Variants in FCHSD2 observed in about 807,000 individuals in gnomAD.
FCHSD2 encodes F-BAR and double SH3 domains protein 2.
In FCHSD2, 38 loss-of-function variants were observed where a neutral mutation model predicts 108.1. The observed-to-expected ratio is 0.35, with a 90% CI of 0.27 to 0.46. The LOEUF is 0.46. FCHSD2 is among the 20% of genes least tolerant of loss of function. FCHSD2 has a pLI of 1.00. For synonymous variants in FCHSD2, 279 were observed against 314.7 expected (o/e 0.89, Z 1.20); for missense variants, 751 against 897.8 (o/e 0.84, Z 2.09).
At chr11:72,937,275 C>G (rs1035053422) in intron 8 of FCHSD2, among the ~76,000 whole-genome samples, 5 of 152,068 alleles carry the variant, frequency 3.3e-5, no homozygotes, top group African/African-American at 9.7e-5. Context: ...CTGCTGCAAA[C>G]AAAAAAATTC....
intron 13 of FCHSD2, among the ~76,000 whole-genome samples, chr11:72,860,526 C>T (rs1208230920): frequency 2.6e-5 from 4 of 151,860 alleles, no homozygotes; most frequent in Non-Finnish European, 4.4e-5. Flanking sequence ...TTTTAATTAC[C>T]CATCAGTCAA....
chr11:72,919,044 T>C (rs888505137), intron 9 of FCHSD2, among the ~76,000 whole-genome samples: 1 of 152,178 alleles, frequency 6.6e-6, no homozygotes, highest in Non-Finnish European at 1.5e-5. Flanking sequence ...ACTTTAACAT[T>C]TACAGTATGT....
At chr11:73,017,838 A>C (rs977910653) in intron 3 of FCHSD2, among the ~76,000 whole-genome samples, 3 of 152,144 alleles carry the variant, frequency 2.0e-5, no homozygotes, top group Admixed American at 1.3e-4. Flanking sequence ...ACAAATATAT[A>C]TAGGAAAATG....
intron 9 of FCHSD2, among the ~76,000 whole-genome samples, chr11:72,910,781 C>CCACA (rs953965600): frequency 1.4e-4 from 21 of 150,022 alleles, no homozygotes; most frequent in African/African-American, 4.7e-4. Context: ...TATGACCCTG[C>CCACA]CACATCCCCC....
At chr11:73,098,709 T>C (rs1277539395) in intron 2 of FCHSD2, among the ~76,000 whole-genome samples, 3 of 152,160 alleles carry the variant, frequency 2.0e-5, no homozygotes, top group African/African-American at 7.2e-5. Context: ...AAGACAAGAT[T>C]TCTACATACA....
intron 9 of FCHSD2, among the ~76,000 whole-genome samples, chr11:72,920,114 A>G (rs903751815): frequency 6.6e-6 from 1 of 152,212 alleles, no homozygotes; most frequent in African/African-American, 2.4e-5. Context: ...GTAAGACAGT[A>G]GAAATAATGA....
chr11:73,028,508 C>A (rs1194562524), intron 3 of FCHSD2, among the ~76,000 whole-genome samples: 3 of 152,170 alleles, frequency 2.0e-5, no homozygotes, highest in Non-Finnish European at 4.4e-5. Flanking sequence ...GGCTCACAGG[C>A]AGAAGGGACT....
chr11:72,929,362 A>G (rs527639303), intron 8 of FCHSD2, among the ~76,000 whole-genome samples: 44 of 152,184 alleles, frequency 2.9e-4, no homozygotes, highest in Non-Finnish European at 2.8e-4. Flanking sequence ...AATTCCCTGA[A>G]TTTTAATTAC....
intron 3 of FCHSD2, among the ~76,000 whole-genome samples, chr11:73,050,190 G>A (rs558788656): frequency 1.6e-4 from 25 of 152,108 alleles, no homozygotes; most frequent in Non-Finnish European, 3.1e-4. Flanking sequence ...AGGTATGTCC[G>A]TGGTCTAACA....
Position 73,055,850 on chromosome 11 carries a change from G to A in FCHSD2, c.165+27845C>T, listed in dbSNP as rs150846197. On this transcript the variant is annotated intron_variant, in intron 3 of 19. Coordinates refer to ENST00000409418, the MANE Select transcript of FCHSD2 (RefSeq NM_014824.3). ...TTTATAGAAACAGAAAGTAGATTCA[G>A]GGGCTGTGGGAGGAGACAAAGGGGA... Among the ~76,000 whole-genome samples, 412 of 152,228 alleles carry A rather than the reference G, an allele frequency of 2.7e-3. 2 individuals carry two copies. The highest frequency in any genetic ancestry group is 9.5e-3 in the African/African-American group (393 of 41,550).
Position 73,140,517 on chromosome 11 carries a change from G to A in FCHSD2, c.22-389C>T, listed in dbSNP as rs186890603. 2.3e-3 allele frequency among the ~76,000 whole-genome samples: 348 copies of A among 152,162 alleles called. 3 individuals are homozygous for A. Among genetic ancestry groups the A allele is most frequent in the Non-Finnish European group, 3.6e-3 (247 of 68,002 alleles). On this transcript the variant is annotated intron_variant, in intron 1 of 19. Transcript: ENST00000409418. Reference sequence around the variant, plus strand: ...GGAGAGGTGAGCAGAGTGTGGATGGGGGCTGGGAGCCTAAGAGTGCCTGAT... The same window carrying A: ...GGAGAGGTGAGCAGAGTGTGGATGGAGGCTGGGAGCCTAAGAGTGCCTGAT...
intron 9 of FCHSD2, among the ~76,000 whole-genome samples, chr11:72,903,510 C>T (rs1484563480): frequency 6.6e-6 from 1 of 152,126 alleles, no homozygotes; most frequent in African/African-American, 2.4e-5. Flanking sequence ...TGAGCTACCG[C>T]GCCCGGCCTG....
intron 8 of FCHSD2, among the ~76,000 whole-genome samples, chr11:72,934,882 G>T (rs1373063853): frequency 2.0e-5 from 3 of 152,028 alleles, no homozygotes; most frequent in African/African-American, 7.3e-5. Context: ...GAAACCATGG[G>T]ACCTTTGACC....
At chr11:73,009,320 A>C (rs1409639847) in intron 4 of FCHSD2, among the ~76,000 whole-genome samples, 1 of 152,120 alleles carries the variant, frequency 6.6e-6, no homozygotes, top group Admixed American at 6.5e-5. Context: ...AACATGGTGA[A>C]ACTCCATCTC....
intron 4 of FCHSD2, among the ~76,000 whole-genome samples, chr11:73,009,610 G>A (rs1857817304): frequency 6.6e-6 from 1 of 152,080 alleles, no homozygotes; most frequent in Non-Finnish European, 1.5e-5. Context: ...CTAACCTTTT[G>A]CTTGTCTGGG....
intron 3 of FCHSD2, among the ~76,000 whole-genome samples, chr11:73,082,849 T>C (rs1488505158): frequency 6.6e-6 from 1 of 152,198 alleles, no homozygotes; most frequent in Non-Finnish European, 1.5e-5. Flanking sequence ...ATTATCTTTG[T>C]ACATGAAAGA....
At chr11:72,999,780 T>C (rs761306297) in intron 5 of FCHSD2, among the ~76,000 whole-genome samples, 3 of 152,096 alleles carry the variant, frequency 2.0e-5, no homozygotes, top group Non-Finnish European at 2.9e-5. Context: ...CACTGGAAAT[T>C]TGAAATGCAG....
intron 10 of FCHSD2, among the ~76,000 whole-genome samples, chr11:72,902,171 G>A (rs1356015870): frequency 6.6e-6 from 1 of 152,074 alleles, no homozygotes; most frequent in African/African-American, 2.4e-5. Flanking sequence ...CACAGCGCAC[G>A]GCCTACTCTG....
At chr11:72,995,507 C>T (rs1232386895) in intron 5 of FCHSD2, among the ~76,000 whole-genome samples, 1 of 151,612 alleles carries the variant, frequency 6.6e-6, no homozygotes, top group Non-Finnish European at 1.5e-5. Flanking sequence ...TTCGAGACCA[C>T]CCTGGGCAAC....
Sources: gnomAD v4.1 joint callset for allele counts (sites outside exome capture counted in the v4.1 genomes callset) on GRCh38, gnomAD v4.1.1 for gene constraint, MANE v1.5 for transcripts, NCBI Gene and HGNC (gene_info 2026-07-23, HGNC 2026-07-21) for gene names.